The following INPP5A variants were observed in gnomAD, a reference collection of about 807,000 sequenced individuals.
The protein encoded by INPP5A is 43 kDa inositol polyphosphate 5-phophatase.
A neutral mutation model predicts 65.2 loss-of-function variants in INPP5A; 14 were observed. The ratio of observed to expected loss-of-function variants is 0.21; its 90% CI spans 0.14 to 0.34. INPP5A has a LOEUF of 0.34. INPP5A is among the 10% of genes least tolerant of loss of function. INPP5A has a pLI of 1.00. For missense variants in INPP5A, 431 were observed against 545.6 expected, an observed-to-expected ratio of 0.79 and a Z score of 2.09; for synonymous variants, 207 against 208.3, an observed-to-expected ratio of 0.99 and a Z score of 0.05.
At chr10:132,681,855 C>T (rs1473862463) in intron 4 of INPP5A, among the ~76,000 whole-genome samples, 4 of 152,134 alleles carry the variant, frequency 2.6e-5, no homozygotes, top group South Asian at 2.1e-4. Flanking sequence ...ATGACCCAAC[C>T]GTAAAAAGGA....
chr10:132,710,070 G>A (rs540662423), intron 7 of INPP5A, among the ~76,000 whole-genome samples: 1 of 152,392 alleles, frequency 6.6e-6, no homozygotes, highest in Non-Finnish European at 1.5e-5. Context: ...ATAGTCACCT[G>A]TAAGTTTTTC....
chr10:132,578,002 A>G (rs59118200), intron 1 of INPP5A, among the ~76,000 whole-genome samples: 19,667 of 152,232 alleles, frequency 0.13, 1,345 homozygotes, highest in African/African-American at 0.16. Context: ...AGTTGTAGGC[A>G]TGTTTGCTAA....
chr10:132,629,849 G>A (rs1319948245), intron 2 of INPP5A, among the ~76,000 whole-genome samples: 1 of 152,148 alleles, frequency 6.6e-6, no homozygotes, highest in Admixed American at 6.5e-5. Flanking sequence ...CAAGGGCAGG[G>A]TGTCCTCCAG....
At chr10:132,671,150 G>A (rs150904663) in intron 4 of INPP5A, among the ~76,000 whole-genome samples, 3 of 152,168 alleles carry the variant, frequency 2.0e-5, no homozygotes, top group East Asian at 3.9e-4. Flanking sequence ...ATGTGGGCAC[G>A]CCTCCATCTG....
chr10:132,750,803 C>T (rs1318968345), intron 11 of INPP5A, among the ~76,000 whole-genome samples: 6 of 152,022 alleles, frequency 3.9e-5, no homozygotes, highest in African/African-American at 1.4e-4. Context: ...GTTCCCTTGG[C>T]GCTGCGTCAG....
chr10:132,583,626 CGAG>C (rs1261153588), intron 1 of INPP5A, among the ~76,000 whole-genome samples: 1 of 152,130 alleles, frequency 6.6e-6, no homozygotes, highest in Non-Finnish European at 1.5e-5. Flanking sequence ...TTTTCGCCGT[CGAG>C]GAATGTCGAA....
At position 132,547,266 on chromosome 10, in the gene INPP5A, A is replaced by C. The variant is rs1291175678; in HGVS notation, c.75+9095A>C. ...GGTGGTCAGGGAGGGCGTGGCTGTCACATGGTTTCTGGACTGTCAGCCTTT... is the reference window on the plus strand; with the variant it reads ...GGTGGTCAGGGAGGGCGTGGCTGTCCCATGGTTTCTGGACTGTCAGCCTTT... On this transcript the variant is annotated intron_variant, in intron 1 of 15. Coordinates refer to ENST00000368594, the MANE Select transcript of INPP5A (RefSeq NM_005539.5). This position sits in a 1 kb window ranked among gnomAD's most constrained non-coding sequence, Gnocchi z 5.5. Among the ~76,000 whole-genome samples the C allele has an allele frequency of 6.6e-6, 1 of 152,158 alleles. No homozygotes were observed. Among genetic ancestry groups the C allele is most frequent in the Non-Finnish European group, 1.5e-5 (1 of 68,020 alleles).
At chr10:132,588,763 G>A (rs1429560866) in intron 1 of INPP5A, among the ~76,000 whole-genome samples, 1 of 152,210 alleles carries the variant, frequency 6.6e-6, no homozygotes, top group East Asian at 1.9e-4. Context: ...TGTCACCATC[G>A]GTGGTTGCCG....
At chr10:132,628,127 C>T (rs1048370586) in intron 2 of INPP5A, among the ~76,000 whole-genome samples, 1 of 152,194 alleles carries the variant, frequency 6.6e-6, no homozygotes, top group Non-Finnish European at 1.5e-5. Context: ...GACCTCCTGC[C>T]AGTGGTCTGG....
chr10:132,567,732 G>C (rs979376808), intron 1 of INPP5A, among the ~76,000 whole-genome samples: 1 of 152,110 alleles, frequency 6.6e-6, no homozygotes, highest in African/African-American at 2.4e-5. Flanking sequence ...AACGATTCCA[G>C]CTTTTTATTC....
At chr10:132,749,921 T>C in intron 11 of INPP5A, 76 bp downstream of exon 11, 2 of 1,287,888 alleles carry the variant, frequency 1.6e-6, no homozygotes, top group Non-Finnish European at 2.3e-6. Context: ...TTACCTCTGC[T>C]TACCTGGGAC....
chr10:132,664,362 C>T (rs1264358023), intron 4 of INPP5A, among the ~76,000 whole-genome samples: 2 of 152,188 alleles, frequency 1.3e-5, no homozygotes, highest in Non-Finnish European at 2.9e-5. Flanking sequence ...TGCTGTGAGC[C>T]GTGTGTACAT....
intron 1 of INPP5A, among the ~76,000 whole-genome samples, chr10:132,570,114 T>A (rs2071322568): frequency 6.7e-6 from 1 of 149,476 alleles, no homozygotes; most frequent in African/African-American, 2.5e-5. Flanking sequence ...CTGTTTTTTT[T>A]AATTGAATTT....
chr10:132,674,504 G>A lies in INPP5A; in HGVS notation c.307-15888G>A, dbSNP rs2072936870. Among the ~76,000 whole-genome samples the A allele has an allele frequency of 6.6e-6, 1 of 152,182 alleles. No individual in the cohort carries two copies. The highest frequency in any genetic ancestry group is 2.1e-4 in the South Asian group (1 of 4,826). On this transcript the variant is annotated intron_variant, in intron 4 of 15. Transcript: ENST00000368594. This position sits in a 1 kb window ranked among gnomAD's most constrained non-coding sequence, Gnocchi z 4.4. ...CCAGGCCCCGGTCTTCTCTTCCTCT[G>A]TCAGCTGATCATAGGGAACTTCCCA...
chr10:132,755,322 CGA>C (rs974495877), intron 11 of INPP5A, among the ~76,000 whole-genome samples: 6 of 138,882 alleles, frequency 4.3e-5, no homozygotes, highest in Non-Finnish European at 9.2e-5. Flanking sequence ...TTTGAGTGGG[CGA>C]GTGTGTGAGC....
chr10:132,560,937 A>G (rs1198230253), intron 1 of INPP5A, among the ~76,000 whole-genome samples: 4 of 151,884 alleles, frequency 2.6e-5, no homozygotes, highest in African/African-American at 9.7e-5. Flanking sequence ...TTGAGTTTAA[A>G]GAGATCTTTA....
chr10:132,727,165 G>A lies in INPP5A; in HGVS notation c.732+260G>A, dbSNP rs972955111. ...TGTGGGGCTTTGCCCTGTGGCTTCC[G>A]CCGTCGGCACACAAGGAGCTGCTGG... is the stretch of plus-strand genomic sequence containing the variant. On this transcript the variant is annotated intron_variant, in intron 9 of 15. Coordinates refer to ENST00000368594, the MANE Select transcript of INPP5A (RefSeq NM_005539.5). The surrounding 1 kb of genome is among the most constrained non-coding windows in gnomAD (Gnocchi z 6.5). 1.5e-5 allele frequency: 5 copies of A among 337,714 alleles called. No homozygotes were observed. The highest frequency in any genetic ancestry group is 4.5e-5 in the Admixed American group (1 of 22,260). 20.9% of individuals were successfully genotyped at this position (337,714 alleles called of 1,614,324 possible).
At chr10:132,630,632 A>G (rs112122135) in intron 2 of INPP5A, among the ~76,000 whole-genome samples, 109 of 137,076 alleles carry the variant, frequency 8.0e-4, no homozygotes, top group South Asian at 7.4e-4. Context: ...AGGGGAAGAC[A>G]TCCATGAGGG....
rs531768179 is a variant in INPP5A at position 132,728,435 on chromosome 10, G to A, written c.732+1530G>A. ...TCCATGTCCCCGCGTCCGAGGCTGT[G>A]CGGGACCCGGGAGCAAGGCCTGGGG... is the stretch of plus-strand genomic sequence containing the variant. On this transcript the variant is annotated intron_variant, in intron 9 of 15. Transcript: ENST00000368594. Among the ~76,000 whole-genome samples the A allele has an allele frequency of 3.9e-5, 6 of 152,370 alleles. No individual in the cohort carries two copies. In the South Asian group the frequency reaches 1.2e-3, roughly 32 times the overall value.
Sources: allele counts gnomAD v4.1 joint callset (sites outside exome capture counted in the v4.1 genomes callset), GRCh38; gene constraint gnomAD v4.1.1; non-coding constraint Gnocchi (gnomAD v3.1); transcripts MANE v1.5; gene names NCBI Gene and HGNC (gene_info 2026-07-23, HGNC 2026-07-21).